Variants in AKAP19 observed in about 807,000 individuals in gnomAD.
AKAP19 encodes A-kinase anchoring protein 19.
chr2:189,983,655 G>A, the AKAP19 span, among the ~76,000 whole-genome samples: 2,111 of 152,266 alleles, frequency 0.014, 39 homozygotes, highest in African/African-American at 0.048. Context: ...GTGCTCCACC[G>A]TCTTTTATGG....
chr2:190,074,101 G>C, the AKAP19 span, among the ~76,000 whole-genome samples: 6 of 151,570 alleles, frequency 4.0e-5, no homozygotes, highest in African/African-American at 1.5e-4. Context: ...ATTTAGTCTG[G>C]TGTGGAGCAC....
the AKAP19 span, among the ~76,000 whole-genome samples, chr2:190,185,132 C>A: frequency 6.6e-6 from 1 of 152,142 alleles, no homozygotes; most frequent in African/African-American, 2.4e-5. Flanking sequence ...ACATATACTG[C>A]TGCCTAGAAT....
chr2:189,987,821 C>T, the AKAP19 span, among the ~76,000 whole-genome samples: 348 of 152,242 alleles, frequency 2.3e-3, no homozygotes, highest in Admixed American at 3.9e-3. Flanking sequence ...TTGTAACCAC[C>T]CAAGGGGTTC....
the AKAP19 span, among the ~76,000 whole-genome samples, chr2:190,031,876 T>C: frequency 6.6e-6 from 1 of 152,220 alleles, no homozygotes; most frequent in Admixed American, 6.5e-5. Flanking sequence ...TGAATATGTC[T>C]AAGAGAGGAA....
chr2:189,984,285 G>A, the AKAP19 span, among the ~76,000 whole-genome samples: 3 of 152,048 alleles, frequency 2.0e-5, no homozygotes, highest in African/African-American at 7.3e-5. Context: ...GTACACCCTG[G>A]GGGGGCCAGT....
chr2:190,144,301 C>G, the AKAP19 span, among the ~76,000 whole-genome samples: 1 of 151,140 alleles, frequency 6.6e-6, no homozygotes, highest in Non-Finnish European at 1.5e-5. Context: ...AGAAAGTACC[C>G]TAATAAAAAG....
At chr2:189,898,200 GAA>G in the AKAP19 span, among the ~76,000 whole-genome samples, 1 of 133,970 alleles carries the variant, frequency 7.5e-6, no homozygotes, top group African/African-American at 2.7e-5. Context: ...TCCAAAAAAT[GAA>G]AAAAAAAAAA....
At chr2:190,166,317 C>CTTTT in the AKAP19 span, among the ~76,000 whole-genome samples, 1,934 of 65,188 alleles carry the variant, frequency 0.03, 47 homozygotes, top group Admixed American at 0.049. Flanking sequence ...AAAATCCACT[C>CTTTT]TTTTTTTTTT....
chr2:190,082,911 C>T, the AKAP19 span, among the ~76,000 whole-genome samples: 3 of 152,100 alleles, frequency 2.0e-5, no homozygotes, highest in Non-Finnish European at 4.4e-5. Context: ...ATACATTCTC[C>T]CTGATCCTTA....
the AKAP19 span, among the ~76,000 whole-genome samples, chr2:190,158,161 G>A: frequency 1.3e-5 from 2 of 152,170 alleles, no homozygotes; most frequent in Admixed American, 1.3e-4. Context: ...ACCCTTTCAT[G>A]TAAAATCTTT....
At chr2:190,095,592 G>T in the AKAP19 span, 1 of 152,144 alleles carries the variant, frequency 6.6e-6, no homozygotes, top group Non-Finnish European at 1.5e-5. Flanking sequence ...GGACTTCCAG[G>T]CTCCATAACT....
At chr2:190,148,139 G>T in the AKAP19 span, among the ~76,000 whole-genome samples, 1 of 152,138 alleles carries the variant, frequency 6.6e-6, no homozygotes, top group Admixed American at 6.5e-5. Context: ...TGTTGGCTGT[G>T]GCTTTGTCAT....
At chr2:190,063,049 A>G in the AKAP19 span, among the ~76,000 whole-genome samples, 4 of 152,272 alleles carry the variant, frequency 2.6e-5, no homozygotes, top group African/African-American at 9.6e-5. Context: ...AAATAAGTCA[A>G]TTTTAATTTA....
the AKAP19 span, among the ~76,000 whole-genome samples, chr2:189,913,357 TA>T: frequency 2.0e-5 from 3 of 152,134 alleles, no homozygotes; most frequent in Non-Finnish European, 4.4e-5. Context: ...GTTTTGTAAT[TA>T]TTTTTCACTG....
the AKAP19 span, among the ~76,000 whole-genome samples, chr2:189,987,901 A>C: frequency 1.3e-5 from 2 of 152,164 alleles, no homozygotes; most frequent in Admixed American, 6.5e-5. Context: ...AGAGTAATAC[A>C]TGCAGAGCTG....
At chr2:189,961,668 T>C in the AKAP19 span, among the ~76,000 whole-genome samples, 3 of 152,044 alleles carry the variant, frequency 2.0e-5, no homozygotes, top group African/African-American at 4.8e-5. Flanking sequence ...ATCCCAGCAC[T>C]TTGGGAGGCT....
the AKAP19 span, among the ~76,000 whole-genome samples, chr2:190,067,709 A>G: frequency 6.6e-6 from 1 of 152,284 alleles, no homozygotes; most frequent in East Asian, 1.9e-4. Flanking sequence ...AATCCTCATA[A>G]TAATGTCCTA....
At chr2:189,930,238 C>T in the AKAP19 span, 26 of 259,906 alleles carry the variant, frequency 1.0e-4, no homozygotes, top group South Asian at 2.1e-3. Context: ...CATGATGGTT[C>T]ACTTGAAGTC....
chr2:190,176,451 G>A, the AKAP19 span, among the ~76,000 whole-genome samples: 13 of 152,058 alleles, frequency 8.5e-5, no homozygotes, highest in South Asian at 2.1e-4. The surrounding 1 kb of genome is among the most constrained non-coding windows in gnomAD (Gnocchi z 4.7). Flanking sequence ...AGGTTCAAGC[G>A]ATTCTCCTGC....
Sources: allele counts gnomAD v4.1 joint callset (sites outside exome capture counted in the v4.1 genomes callset), GRCh38; gene constraint gnomAD v4.1.1; non-coding constraint Gnocchi (gnomAD v3.1); transcripts MANE v1.5; gene names NCBI Gene and HGNC (gene_info 2026-07-23, HGNC 2026-07-21).